The following LARGE1 variants were observed in gnomAD, a reference collection of about 807,000 sequenced individuals.
LARGE1 encodes LARGE xylosyl- and glucuronyltransferase 1.
A neutral mutation model predicts 87.6 loss-of-function variants in LARGE1; 43 were observed. The observed-to-expected ratio is 0.49, with a 90% confidence interval of 0.38 to 0.63. The LOEUF is 0.63. Ranked by LOEUF, LARGE1 falls within the 30% of genes least tolerant of loss-of-function variation. The pLI, the probability that LARGE1 is intolerant of heterozygous loss-of-function variation, is 0.00. For synonymous variants in LARGE1, 434 were observed against 394.6 expected, an observed-to-expected ratio of 1.10 and a Z score of -1.18; for missense variants, 802 against 1,000.2, an observed-to-expected ratio of 0.80 and a Z score of 2.67.
intron 1 of LARGE1, among the ~76,000 whole-genome samples, chr22:33,865,157 A>G (rs1009437074): frequency 5.3e-5 from 8 of 152,212 alleles, no homozygotes; most frequent in Admixed American, 2.0e-4. Context: ...CTTTTGCTCC[A>G]TAGCCCCAAG....
chr22:33,489,384 T>C (rs907973573), intron 6 of LARGE1, among the ~76,000 whole-genome samples: 4 of 152,180 alleles, frequency 2.6e-5, no homozygotes. Flanking sequence ...CAGGGCAGTG[T>C]TCTGAGCACT....
intron 6 of LARGE1, among the ~76,000 whole-genome samples, chr22:33,458,707 C>T (rs550931875): frequency 3.9e-5 from 6 of 152,264 alleles, no homozygotes; most frequent in South Asian, 2.1e-4. Flanking sequence ...GGATTACATG[C>T]GTGAGCCACT....
At chr22:33,512,478 T>C (rs747071296) in intron 6 of LARGE1, among the ~76,000 whole-genome samples, 57 of 152,124 alleles carry the variant, frequency 3.7e-4, no homozygotes, top group Non-Finnish European at 6.0e-4. Context: ...TCTTTAAAAA[T>C]ATACAGAAAA....
intron 6 of LARGE1, among the ~76,000 whole-genome samples, chr22:33,437,352 G>C (rs985113294): frequency 6.6e-6 from 1 of 152,140 alleles, no homozygotes; most frequent in Admixed American, 6.6e-5. Flanking sequence ...AGACGCCTGG[G>C]CTCAAATCCT....
At chr22:33,297,718 G>A (rs1046224532) in intron 12 of LARGE1, among the ~76,000 whole-genome samples, 2 of 150,452 alleles carry the variant, frequency 1.3e-5, no homozygotes, top group Admixed American at 6.6e-5. Flanking sequence ...GATTCCTCAC[G>A]CCTATAATCC....
chr22:33,507,378 C>T (rs1235489430), intron 6 of LARGE1, among the ~76,000 whole-genome samples: 1 of 151,998 alleles, frequency 6.6e-6, no homozygotes, highest in African/African-American at 2.4e-5. Context: ...AGGAAATTCT[C>T]ATACATGCTA....
chr22:33,636,509 C>A (rs1432592800), intron 3 of LARGE1, among the ~76,000 whole-genome samples: 1 of 152,168 alleles, frequency 6.6e-6, no homozygotes, highest in East Asian at 1.9e-4. Context: ...TCAGATTCCT[C>A]ATCTATAAAG....
At chr22:33,765,153 C>T (rs867937807) in intron 1 of LARGE1, among the ~76,000 whole-genome samples, 2 of 152,034 alleles carry the variant, frequency 1.3e-5, no homozygotes, top group Non-Finnish European at 1.5e-5. Flanking sequence ...CCCCACTGTA[C>T]GGATGAGAAA....
At chr22:33,602,804 C>T (rs141940438) in intron 5 of LARGE1, among the ~76,000 whole-genome samples, 13 of 152,158 alleles carry the variant, frequency 8.5e-5, no homozygotes, top group African/African-American at 2.4e-4. Context: ...TGAGCCACTA[C>T]GCCCAGCACA....
At chr22:33,275,963 T>G (rs1413514355) in intron 14 of LARGE1, among the ~76,000 whole-genome samples, 1 of 152,216 alleles carries the variant, frequency 6.6e-6, no homozygotes, top group Non-Finnish European at 1.5e-5. Flanking sequence ...CCCTGCTTTC[T>G]GTTGTTAAAT....
chr22:33,095,917 C>T, the LARGE1 span, among the ~76,000 whole-genome samples: 1 of 152,186 alleles, frequency 6.6e-6, no homozygotes, highest in Non-Finnish European at 1.5e-5. Context: ...AATTCAGGAC[C>T]TTCCTAGCAG....
At chr22:33,896,725 C>T (rs1308369239) in intron 1 of LARGE1, among the ~76,000 whole-genome samples, 1 of 152,202 alleles carries the variant, frequency 6.6e-6, no homozygotes, top group Non-Finnish European at 1.5e-5. Context: ...GCTCCCACCC[C>T]TGGTGTGCTT....
intron 14 of LARGE1, among the ~76,000 whole-genome samples, chr22:33,275,288 A>T (rs1301259365): frequency 6.6e-6 from 1 of 152,220 alleles, no homozygotes; most frequent in South Asian, 2.1e-4. Flanking sequence ...TAGCCAAAAC[A>T]GGTGACCCAG....
intron 1 of LARGE1, among the ~76,000 whole-genome samples, chr22:33,802,393 G>A (rs1189934363): frequency 2.6e-5 from 4 of 152,154 alleles, no homozygotes; most frequent in Non-Finnish European, 5.9e-5. Flanking sequence ...ATTATCACTG[G>A]CAGGTGAATG....
chr22:33,258,878 CTTTTTTTT>C (rs71187256), intron 11 of LARGE1, among the ~76,000 whole-genome samples: 2 of 142,460 alleles, frequency 1.4e-5, no homozygotes, highest in Non-Finnish European at 3.1e-5. Context: ...TATGTTTCTT[CTTTTTTTT>C]TTTTTTTCCA....
At chr22:33,508,806 G>A (rs1450256077) in intron 6 of LARGE1, among the ~76,000 whole-genome samples, 3 of 152,154 alleles carry the variant, frequency 2.0e-5, no homozygotes, top group South Asian at 2.1e-4. Flanking sequence ...ATCCAACTGC[G>A]ATGGTGTTTG....
chr22:33,581,874 G>T (rs1602551600), intron 5 of LARGE1, among the ~76,000 whole-genome samples: 4 of 150,614 alleles, frequency 2.7e-5, no homozygotes, highest in Non-Finnish European at 5.9e-5. Context: ...AGAGAGTAAT[G>T]AATGGACATC....
intron 2 of LARGE1, among the ~76,000 whole-genome samples, chr22:33,715,131 ATC>A (rs1220966116): frequency 4.6e-5 from 7 of 152,200 alleles, no homozygotes; most frequent in Non-Finnish European, 4.4e-5. Flanking sequence ...TTCCTTCAAA[ATC>A]TTCACTTTAC....
chr22:33,154,414 T>C, the LARGE1 span, among the ~76,000 whole-genome samples: 111 of 152,212 alleles, frequency 7.3e-4, 2 homozygotes, highest in East Asian at 0.019. Context: ...CTAATTTTTG[T>C]ATTTTTGTAG....
Sources: gnomAD v4.1 joint callset for allele counts (sites outside exome capture counted in the v4.1 genomes callset) on GRCh38, gnomAD v4.1.1 for gene constraint, MANE v1.5 for transcripts, NCBI Gene and HGNC (gene_info 2026-07-23, HGNC 2026-07-21) for gene names.